DRC11: variants seen among roughly 807,000 people sequenced by gnomAD.
DRC11 encodes the protein dynein regulatory complex subunit 11, also known as IQ and AAA domain-containing protein 1.
chr2:236,316,452 C>T, the DRC11 span, among the ~76,000 whole-genome samples: 454 of 152,240 alleles, frequency 3.0e-3, no homozygotes, highest in African/African-American at 0.01. This position sits in a 1 kb window ranked among gnomAD's most constrained non-coding sequence, Gnocchi z 6.8. Context: ...CATGAGCCAC[C>T]GCAAGAACTT....
At chr2:236,316,709 A>T in the DRC11 span, among the ~76,000 whole-genome samples, 5 of 152,298 alleles carry the variant, frequency 3.3e-5, no homozygotes, top group Non-Finnish European at 5.9e-5. The surrounding 1 kb of genome is among the most constrained non-coding windows in gnomAD (Gnocchi z 6.8). Flanking sequence ...GAGGAAATTA[A>T]AACCATTGTG....
At chr2:236,481,561 G>A in the DRC11 span, among the ~76,000 whole-genome samples, 1 of 152,032 alleles carries the variant, frequency 6.6e-6, no homozygotes, top group African/African-American at 2.4e-5. Context: ...TTCTGTTGGG[G>A]GGAGTGAAGC....
At chr2:236,397,402 C>A in the DRC11 span, among the ~76,000 whole-genome samples, 2 of 152,156 alleles carry the variant, frequency 1.3e-5, no homozygotes, top group Admixed American at 1.3e-4. The surrounding 1 kb of genome is among the most constrained non-coding windows in gnomAD (Gnocchi z 5.0). Context: ...CTTTCAGATG[C>A]CCAGGGCAGC....
At chr2:236,347,186 T>C in the DRC11 span, among the ~76,000 whole-genome samples, 4 of 152,278 alleles carry the variant, frequency 2.6e-5, no homozygotes, top group South Asian at 2.1e-4. Flanking sequence ...AATGTGGGGG[T>C]GATCTGCATT....
At chr2:236,359,880 T>G in the DRC11 span, among the ~76,000 whole-genome samples, 4 of 152,164 alleles carry the variant, frequency 2.6e-5, no homozygotes, top group African/African-American at 9.7e-5. This position sits in a 1 kb window ranked among gnomAD's most constrained non-coding sequence, Gnocchi z 4.3. Flanking sequence ...AGGTGAAGTT[T>G]AATGAGGTGT....
At chr2:236,347,176 A>C in the DRC11 span, among the ~76,000 whole-genome samples, 3 of 152,176 alleles carry the variant, frequency 2.0e-5, no homozygotes, top group Admixed American at 6.5e-5. Flanking sequence ...CGTTCTGCTG[A>C]ATGTGGGGGT....
the DRC11 span, chr2:236,391,423 C>T: frequency 1.9e-5 from 3 of 154,238 alleles, no homozygotes; most frequent in Non-Finnish European, 4.3e-5. This position sits in a 1 kb window ranked among gnomAD's most constrained non-coding sequence, Gnocchi z 4.5. Context: ...CCGCCCTCTA[C>T]CTTGGGTATT....
At chr2:236,380,456 G>C in the DRC11 span, 1 of 817,584 alleles carries the variant, frequency 1.2e-6, no homozygotes, top group Non-Finnish European at 2.0e-6. The surrounding 1 kb of genome is among the most constrained non-coding windows in gnomAD (Gnocchi z 4.9). Flanking sequence ...ACCACTCCGG[G>C]ACTGTGGAGG....
At chr2:236,487,040 A>G in the DRC11 span, 1 of 631,832 alleles carries the variant, frequency 1.6e-6, no homozygotes, top group Non-Finnish European at 2.8e-6. Context: ...GTGCTGATGG[A>G]ATATTTTTTC....
chr2:236,500,210 T>C, the DRC11 span, among the ~76,000 whole-genome samples: 9 of 152,106 alleles, frequency 5.9e-5, no homozygotes, highest in Admixed American at 4.6e-4. This position sits in a 1 kb window ranked among gnomAD's most constrained non-coding sequence, Gnocchi z 6.3. Context: ...AACAACCCTA[T>C]GAGGTAGGCA....
chr2:236,362,387 C>G, the DRC11 span, among the ~76,000 whole-genome samples: 1 of 152,166 alleles, frequency 6.6e-6, no homozygotes, highest in Non-Finnish European at 1.5e-5. The surrounding 1 kb of genome is among the most constrained non-coding windows in gnomAD (Gnocchi z 5.7). Context: ...TCCTCAGCCT[C>G]CTCAATGTGA....
chr2:236,391,829 A>G, the DRC11 span: 23 of 684,302 alleles, frequency 3.4e-5, 1 homozygote, highest in Admixed American at 1.6e-4. This position sits in a 1 kb window ranked among gnomAD's most constrained non-coding sequence, Gnocchi z 4.5. Flanking sequence ...TGGTGGACCA[A>G]TTAAATTTAC....
At chr2:236,364,098 A>C in the DRC11 span, 1 of 806,026 alleles carries the variant, frequency 1.2e-6, no homozygotes, top group Non-Finnish European at 2.0e-6. Context: ...ACAGTGATAA[A>C]GGCGTCCAAA....
At chr2:236,367,602 A>G in the DRC11 span, 2 of 152,542 alleles carry the variant, frequency 1.3e-5, no homozygotes, top group Middle Eastern at 3.4e-3. The surrounding 1 kb of genome is among the most constrained non-coding windows in gnomAD (Gnocchi z 4.8). Flanking sequence ...AAAGAAAAAA[A>G]AAAAGAAAAA....
chr2:236,499,345 C>T, the DRC11 span, among the ~76,000 whole-genome samples: 2 of 152,220 alleles, frequency 1.3e-5, no homozygotes, highest in East Asian at 3.9e-4. The surrounding 1 kb of genome is among the most constrained non-coding windows in gnomAD (Gnocchi z 4.7). Context: ...CTTTTGATCA[C>T]CCAGCCCCAC....
At chr2:236,357,793 T>C in the DRC11 span, among the ~76,000 whole-genome samples, 7 of 126,454 alleles carry the variant, frequency 5.5e-5, no homozygotes, top group South Asian at 1.7e-3. Flanking sequence ...TATATATACA[T>C]ATACTATATA....
chr2:236,332,894 C>A, the DRC11 span: 4 of 152,072 alleles, frequency 2.6e-5, no homozygotes, highest in Admixed American at 2.6e-4. This position sits in a 1 kb window ranked among gnomAD's most constrained non-coding sequence, Gnocchi z 5.1. Flanking sequence ...GCTGTGGATG[C>A]ATAGGCATCC....
At chr2:236,415,886 A>G in the DRC11 span, among the ~76,000 whole-genome samples, 14 of 152,264 alleles carry the variant, frequency 9.2e-5, no homozygotes, top group African/African-American at 3.4e-4. The surrounding 1 kb of genome is among the most constrained non-coding windows in gnomAD (Gnocchi z 5.7). Flanking sequence ...TTCTTAGAAT[A>G]AAATTGGAAT....
chr2:236,337,771 T>C, the DRC11 span, among the ~76,000 whole-genome samples: 2 of 152,194 alleles, frequency 1.3e-5, no homozygotes, highest in East Asian at 3.9e-4. The surrounding 1 kb of genome is among the most constrained non-coding windows in gnomAD (Gnocchi z 4.9). Context: ...AATGTTCATT[T>C]TAAGTAAATC....
Sources: gnomAD v4.1 joint callset for allele counts (sites outside exome capture counted in the v4.1 genomes callset) on GRCh38, gnomAD v4.1.1 for gene constraint, Gnocchi (gnomAD v3.1) non-coding constraint, MANE v1.5 for transcripts, NCBI Gene and HGNC (gene_info 2026-07-23, HGNC 2026-07-21) for gene names.